The following CDC42BPA variants were observed in gnomAD, a reference collection of about 807,000 sequenced individuals.
CDC42BPA encodes serine/threonine-protein kinase MRCK alpha.
CDC42BPA carries 80 observed loss-of-function variants against 223.5 expected under a neutral mutation model. That is an observed-to-expected ratio of 0.36 (90% confidence interval 0.30 to 0.43). The LOEUF is 0.43. Ranked by LOEUF, CDC42BPA falls within the 20% of genes least tolerant of loss-of-function variation. The pLI is 1.00. For missense variants in CDC42BPA, 1,743 were observed against 2,099.9 expected (o/e 0.83, Z 3.32); for synonymous variants, 694 against 718.6 (o/e 0.97, Z 0.55).
intron 1 of CDC42BPA, among the ~76,000 whole-genome samples, chr1:227,277,893 G>A (rs1179466955): frequency 3.3e-5 from 5 of 151,944 alleles, no homozygotes; most frequent in Non-Finnish European, 5.9e-5. Flanking sequence ...AGGACTACAG[G>A]CACCCGCCAC....
rs73100824 is a variant in CDC42BPA at position 227,121,463 on chromosome 1, A to G, written c.1514-1526T>C. 4.7e-3 allele frequency among the ~76,000 whole-genome samples: 719 copies of G among 152,342 alleles called. 8 individuals carry two copies. The highest frequency in any genetic ancestry group is 0.016 in the African/African-American group (678 of 41,580). ...CTACATTCCATAAATAACTGATATC[A>G]GTGCAATAAATTGATAGATTTAAAA... is the stretch of plus-strand genomic sequence containing the variant. On this transcript the variant is annotated intron_variant, in intron 11 of 36. Coordinates refer to ENST00000366766, the MANE Select transcript of CDC42BPA (RefSeq NM_001394014.1).
chr1:226,999,252 C>T (rs529846207), intron 35 of CDC42BPA, among the ~76,000 whole-genome samples: 11 of 151,826 alleles, frequency 7.2e-5, no homozygotes, highest in Admixed American at 3.9e-4. Flanking sequence ...TCTCAGCTCA[C>T]TGCAAGCTCT....
chr1:227,265,127 T>C, intron 1 of CDC42BPA: 2 of 759,344 alleles, frequency 2.6e-6, no homozygotes, highest in East Asian at 2.5e-5. Context: ...AACTTTAACA[T>C]GCTGTGTACT....
chr1:227,252,092 T>G (rs1682112647), intron 2 of CDC42BPA, among the ~76,000 whole-genome samples: 4 of 152,026 alleles, frequency 2.6e-5, no homozygotes, highest in Admixed American at 2.6e-4. Context: ...AAAGAAGGGC[T>G]AGATATCAAT....
At chr1:227,111,702 C>T (rs939659633) in intron 14 of CDC42BPA, among the ~76,000 whole-genome samples, 1 of 152,044 alleles carries the variant, frequency 6.6e-6, no homozygotes, top group African/African-American at 2.4e-5. Flanking sequence ...AGGCTGGTCT[C>T]GAACTCCTGA....
At chr1:227,132,892 T>C (rs1444382248) in intron 10 of CDC42BPA, among the ~76,000 whole-genome samples, 1 of 147,758 alleles carries the variant, frequency 6.8e-6, no homozygotes. Flanking sequence ...ACCCTCTGCC[T>C]GGCAACCGCC....
intron 16 of CDC42BPA, among the ~76,000 whole-genome samples, chr1:227,087,046 G>A (rs1682093457): frequency 1.3e-5 from 2 of 152,022 alleles, no homozygotes; most frequent in South Asian, 2.1e-4. Flanking sequence ...CTCCCCATCT[G>A]TGCACGTCTT....
intron 11 of CDC42BPA, 30 bp downstream of exon 11, chr1:227,129,079 T>C (rs375129828): frequency 2.5e-5 from 33 of 1,322,236 alleles, no homozygotes; most frequent in African/African-American, 5.9e-5. Flanking sequence ...ATTTCCTAAA[T>C]TGAATTAACA....
chr1:227,272,700 T>C (rs1462143545), intron 1 of CDC42BPA, among the ~76,000 whole-genome samples: 1 of 152,226 alleles, frequency 6.6e-6, no homozygotes, highest in African/African-American at 2.4e-5. Flanking sequence ...GTATTACAGA[T>C]GTGAGCTACT....
chr1:227,193,103 C>T (rs900524402), intron 5 of CDC42BPA, among the ~76,000 whole-genome samples: 2 of 135,036 alleles, frequency 1.5e-5, no homozygotes, highest in Admixed American at 1.6e-4. Context: ...GAGTCTCGCT[C>T]TGTCACCCAG....
chr1:227,303,554 A>G (rs1251988805), intron 1 of CDC42BPA, among the ~76,000 whole-genome samples: 1 of 152,188 alleles, frequency 6.6e-6, no homozygotes, highest in African/African-American at 2.4e-5. Context: ...ACTGCTTCTA[A>G]ACCAGCCTCA....
intron 7 of CDC42BPA, 57 bp downstream of exon 7, chr1:227,147,302 G>C: frequency 8.1e-7 from 1 of 1,240,198 alleles, no homozygotes; most frequent in Non-Finnish European, 1.1e-6. Flanking sequence ...TTTAAAAATG[G>C]TTTTATTATA....
chr1:227,097,398 G>C (rs1255452233), intron 15 of CDC42BPA, among the ~76,000 whole-genome samples: 1 of 152,100 alleles, frequency 6.6e-6, no homozygotes, highest in African/African-American at 2.4e-5. Flanking sequence ...CATTTTATTT[G>C]ACATGCTGAC....
chr1:227,174,683 G>C (rs950065278), intron 5 of CDC42BPA, among the ~76,000 whole-genome samples: 3 of 152,130 alleles, frequency 2.0e-5, no homozygotes, highest in African/African-American at 7.2e-5. Flanking sequence ...AACTACATGA[G>C]ATAAAAAGAG....
At chr1:227,160,478 TATATC>T in intron 6 of CDC42BPA, 60 bp downstream of exon 6, 1 of 1,005,724 alleles carries the variant, frequency 9.9e-7, no homozygotes. Flanking sequence ...CTAAAACAGA[TATATC>T]AGACAAATAG....
intron 6 of CDC42BPA, among the ~76,000 whole-genome samples, chr1:227,157,008 G>A (rs943314102): frequency 6.6e-6 from 1 of 152,072 alleles, no homozygotes; most frequent in African/African-American, 2.4e-5. Context: ...CCTATATACA[G>A]TTATCCTAGA....
rs954252233 is a variant in CDC42BPA, at chr1:227,276,825, C to T, written c.179-22670G>A. Among the ~76,000 whole-genome samples the T allele has an allele frequency of 9.9e-5, 15 of 152,034 alleles. No homozygotes were observed. The South Asian group carries it at 1.0e-3, about 11-fold the overall frequency. ...TGTGCTGTGTCCACTCAGGGTTAAACGGATTAAGGGTGGTGCAAGATGTGC... is the reference window on the plus strand; with the variant it reads ...TGTGCTGTGTCCACTCAGGGTTAAATGGATTAAGGGTGGTGCAAGATGTGC... On this transcript the variant is annotated intron_variant, in intron 1 of 36. Coordinates refer to ENST00000366766, the MANE Select transcript of CDC42BPA (RefSeq NM_001394014.1).
At chr1:227,001,963 A>G (rs972281790) in intron 35 of CDC42BPA, among the ~76,000 whole-genome samples, 1 of 152,180 alleles carries the variant, frequency 6.6e-6, no homozygotes, top group Admixed American at 6.5e-5. Context: ...ACAAAAAACA[A>G]AACAACAACA....
chr1:227,123,097 G>T (rs1688950739), intron 11 of CDC42BPA, among the ~76,000 whole-genome samples: 1 of 152,182 alleles, frequency 6.6e-6, no homozygotes, highest in Admixed American at 6.5e-5. Context: ...TAGGCCAGGG[G>T]TTCAAGACCA....
Sources: gnomAD v4.1 joint callset for allele counts (sites outside exome capture counted in the v4.1 genomes callset) on GRCh38, gnomAD v4.1.1 for gene constraint, MANE v1.5 for transcripts, NCBI Gene and HGNC (gene_info 2026-07-23, HGNC 2026-07-21) for gene names.